YAE1: variants seen among roughly 807,000 people sequenced by gnomAD.
The protein encoded by YAE1 is YAE1 maturation factor of ABCE1, also known as protein YAE1 homolog.
In YAE1, 22 loss-of-function variants were observed where a neutral mutation model predicts 23.0. The ratio of observed to expected loss-of-function variants is 0.96; its 90% CI spans 0.68 to 1.37. The LOEUF (loss-of-function observed/expected upper bound fraction) is 1.37. Among genes scored for constraint, YAE1 ranks in the 40% most tolerant of loss-of-function variants. The pLI is 0.00. For missense variants in YAE1, 260 were observed against 262.1 expected (o/e 0.99, Z 0.06); for synonymous variants, 101 against 97.0 (o/e 1.04, Z -0.24).
chr7:39,586,800 A>G (rs902253266), intron 2 of YAE1, among the ~76,000 whole-genome samples: 2 of 152,184 alleles, frequency 1.3e-5, no homozygotes, highest in Non-Finnish European at 2.9e-5. Context: ...GTCGGCCGAT[A>G]ACTATGATTT....
At chr7:39,583,561 T>G (rs1267076676) in intron 2 of YAE1, among the ~76,000 whole-genome samples, 1 of 152,248 alleles carries the variant, frequency 6.6e-6, no homozygotes, top group Non-Finnish European at 1.5e-5. Context: ...ATTTACAGAA[T>G]TTATTTGGTT....
intron 1 of YAE1, chr7:39,569,621 C>T: frequency 3.2e-6 from 2 of 622,706 alleles, no homozygotes; most frequent in South Asian, 2.9e-5. Flanking sequence ...GTCCTAGTAA[C>T]AGTCCAGAAT....
At position 39,567,612 on chromosome 7, in the gene YAE1, G is replaced by GT. The variant is rs552908422; in HGVS notation, c.129+1071dup. Reference sequence around the variant, plus strand: ...TTGCTAATGCTGGGTTTTGTTTTTTGTTTTTTGGTTTTTTTAATCTTTTGA... The same window carrying GT: ...TTGCTAATGCTGGGTTTTGTTTTTTGTTTTTTTGGTTTTTTTAATCTTTTGA... On this transcript the variant is annotated intron_variant, in intron 1 of 2. Coordinates refer to ENST00000223273, the MANE Select transcript of YAE1 (RefSeq NM_020192.5). 2.9e-3 allele frequency among the ~76,000 whole-genome samples: 437 copies of GT among 151,816 alleles called. 1 individual carries two copies. Among genetic ancestry groups the GT allele is most frequent in the Non-Finnish European group, 3.7e-3 (248 of 67,894 alleles).
intron 1 of YAE1, among the ~76,000 whole-genome samples, chr7:39,569,208 C>G (rs1790526176): frequency 6.6e-6 from 1 of 152,144 alleles, no homozygotes; most frequent in South Asian, 2.1e-4. Context: ...AATCATATTT[C>G]AAACTTACAT....
chr7:39,569,961 A>G, intron 1 of YAE1: 1 of 1,330,868 alleles, frequency 7.5e-7, no homozygotes, highest in South Asian at 1.2e-5. Context: ...TACTTTCACA[A>G]CATTAACCTC....
At chr7:39,602,025 G>C (rs1158143393) in intron 2 of YAE1, among the ~76,000 whole-genome samples, 1 of 152,186 alleles carries the variant, frequency 6.6e-6, no homozygotes. Context: ...AATGGATTAA[G>C]AGAGCAGATT....
intron 2 of YAE1, among the ~76,000 whole-genome samples, chr7:39,601,761 A>G (rs1432236582): frequency 6.7e-6 from 1 of 148,968 alleles, no homozygotes; most frequent in African/African-American, 2.4e-5. Flanking sequence ...TCTGTCTCAA[A>G]AAAAAAAAAA....
chr7:39,588,222 G>A (rs533816865), intron 2 of YAE1, among the ~76,000 whole-genome samples: 1 of 152,264 alleles, frequency 6.6e-6, no homozygotes, highest in African/African-American at 2.4e-5. Context: ...TTAGAAGAAG[G>A]AAAAATGGGC....
downstream of YAE1, among the ~76,000 whole-genome samples, chr7:39,575,577 A>AGAGAGAGAGAGAGTGT (rs1173016799): frequency 1.2e-5 from 1 of 80,208 alleles, no homozygotes; most frequent in East Asian, 3.1e-4. Flanking sequence ...AGAGAGAGAG[A>AGAGAGAGAGAGAGTGT]GTGAGTGTGT....
chr7:39,606,664 T>G (rs1791134095), intron 2 of YAE1, among the ~76,000 whole-genome samples: 2 of 151,312 alleles, frequency 1.3e-5, no homozygotes, highest in Admixed American at 1.3e-4. Context: ...CTATCTAGGT[T>G]TAAGGGCAAA....
In YAE1 at chr7:39,572,721, T is replaced by G. The variant is rs760197878; in HGVS notation, c.*15T>G. ...AACAACTATAAAATTACCTTCCCTT[T>G]TCTAATGAAAATAATGTTCAGAACA... is the stretch of plus-strand genomic sequence containing the variant. On this transcript the variant is annotated 3_prime_UTR_variant, in exon 3 of 3. Coordinates refer to ENST00000223273, the MANE Select transcript of YAE1 (RefSeq NM_020192.5). 1.9e-6 allele frequency: 3 copies of G among 1,548,034 alleles called. No homozygotes were observed. The African/African-American group carries it at 4.2e-5, about 21-fold the overall frequency.
chr7:39,593,673 G>A (rs2115826916), intron 2 of YAE1, among the ~76,000 whole-genome samples: 1 of 152,194 alleles, frequency 6.6e-6, no homozygotes, highest in South Asian at 2.1e-4. Flanking sequence ...GCCCAGTCTG[G>A]TCTCAAACTT....
At position 39,592,603 on chromosome 7, in the gene YAE1, A is replaced by C. The variant is rs549733388; in HGVS notation, c.252-17014A>C. ...AATCACAAGTTGAAGCATCATATGT[A>C]GGCAACCATATGTAATTTTACTAGA... On this transcript the variant is annotated intron_variant, in intron 2 of 2. Transcript: ENST00000432096. 1.6e-3 allele frequency among the ~76,000 whole-genome samples: 247 copies of C among 152,346 alleles called. 1 individual carries two copies. The highest frequency in any genetic ancestry group is 5.8e-3 in the African/African-American group (243 of 41,576).
chr7:39,588,014 G>A (rs992412496), intron 2 of YAE1, among the ~76,000 whole-genome samples: 15 of 152,080 alleles, frequency 9.9e-5, no homozygotes, highest in Non-Finnish European at 8.8e-5. Flanking sequence ...GTCTCATCTG[G>A]TTTCCGGGAC....
chr7:39,597,752 C>T (rs1326823911), intron 2 of YAE1, among the ~76,000 whole-genome samples: 3 of 152,022 alleles, frequency 2.0e-5, no homozygotes, highest in African/African-American at 7.2e-5. Context: ...AAGAACTTAA[C>T]CCCATCCTTT....
intron 2 of YAE1, among the ~76,000 whole-genome samples, chr7:39,602,962 T>C (rs1242165002): frequency 6.6e-6 from 1 of 151,980 alleles, no homozygotes; most frequent in Non-Finnish European, 1.5e-5. Context: ...TTGGTCAAGC[T>C]GGTCTCAAAC....
intron 1 of YAE1, among the ~76,000 whole-genome samples, chr7:39,567,273 A>G (rs928102136): frequency 1.3e-5 from 2 of 152,178 alleles, no homozygotes; most frequent in African/African-American, 4.8e-5. Context: ...GTATTTGCTT[A>G]GCCCAAAAAC....
chr7:39,570,606 G>A lies in YAE1; in HGVS notation c.230G>A (p.Gly77Glu), dbSNP rs1790550135. The A allele has an allele frequency of 6.2e-7, 1 of 1,601,780 alleles. No individual in the cohort carries two copies. The highest frequency in any genetic ancestry group is 8.5e-7 in the Non-Finnish European group (1 of 1,177,520). Residue 77 changes from glycine to glutamate, a missense_variant, in exon 2 of 3, where the codon GGA (glycine) becomes GAA (glutamate). Coordinates refer to ENST00000223273, the MANE Select transcript of YAE1 (RefSeq NM_020192.5). ...KKGAEVILNY[G>E]RLRGTLSALL... ...GGTGCAGAAGTCATTTTAAACTATG[G>A]ACGACTCCGAGGAACATTGAGGTAA...
intron 2 of YAE1, among the ~76,000 whole-genome samples, chr7:39,607,327 C>T (rs1019796527): frequency 6.6e-6 from 1 of 152,218 alleles, no homozygotes; most frequent in Non-Finnish European, 1.5e-5. Context: ...TGATAATCAG[C>T]TGGCTTTAAA....
Sources: gnomAD v4.1 joint callset for allele counts (sites outside exome capture counted in the v4.1 genomes callset) on GRCh38, gnomAD v4.1.1 for gene constraint, MANE v1.5 for transcripts, NCBI Gene and HGNC (gene_info 2026-07-23, HGNC 2026-07-21) for gene names.